CDH18: variants seen among roughly 807,000 people sequenced by gnomAD.
CDH18 encodes cadherin 18.
Under a neutral mutation model 67.9 loss-of-function variants are expected in CDH18, and 31 were observed. The ratio of observed to expected loss-of-function variants is 0.46; its 90% CI spans 0.34 to 0.62. CDH18 has a LOEUF of 0.62. Ranked by LOEUF, CDH18 falls within the 20% of genes least tolerant of loss-of-function variation. The pLI is 0.01. For missense variants in CDH18, 890 were observed against 975.5 expected (o/e 0.91, Z 1.17); for synonymous variants, 362 against 347.2 (o/e 1.04, Z -0.48).
chr5:20,481,617 A>G (rs1581083076), intron 1 of CDH18, among the ~76,000 whole-genome samples: 1 of 152,106 alleles, frequency 6.6e-6, no homozygotes, highest in Admixed American at 6.6e-5. Context: ...TCTGGCCACA[A>G]TGGAAATAAA....
intron 3 of CDH18, among the ~76,000 whole-genome samples, chr5:19,771,532 C>T (rs1773731746): frequency 6.6e-6 from 1 of 152,276 alleles, no homozygotes; most frequent in South Asian, 2.1e-4. Context: ...GAAATGATTG[C>T]AACCCCAGCT....
chr5:20,483,027 A>C (rs1261689550), intron 1 of CDH18, among the ~76,000 whole-genome samples: 7 of 152,048 alleles, frequency 4.6e-5, no homozygotes, highest in Admixed American at 2.0e-4. Context: ...GAAAAACCTA[A>C]ATACTTCAAC....
chr5:20,034,297 T>C (rs1334017589), intron 2 of CDH18, among the ~76,000 whole-genome samples: 1 of 152,070 alleles, frequency 6.6e-6, no homozygotes, highest in African/African-American at 2.4e-5. Flanking sequence ...TCCACTGTGA[T>C]GCTTTTTCAC....
intron 2 of CDH18, among the ~76,000 whole-genome samples, chr5:20,239,555 T>C (rs928387472): frequency 1.3e-5 from 2 of 152,302 alleles, no homozygotes; most frequent in Middle Eastern, 6.8e-3. Flanking sequence ...GAAAGGATTA[T>C]GAAAGAAGGA....
intron 2 of CDH18, among the ~76,000 whole-genome samples, chr5:20,194,513 C>A (rs1003785398): frequency 2.6e-5 from 4 of 151,956 alleles, no homozygotes; most frequent in Admixed American, 2.0e-4. Flanking sequence ...ACACTCTGAA[C>A]AGATATAAGG....
intron 6 of CDH18, 66 bp downstream of exon 6, chr5:19,612,368 A>G: frequency 6.7e-7 from 1 of 1,482,490 alleles, no homozygotes; most frequent in Non-Finnish European, 9.4e-7. Context: ...ACACTGTTCA[A>G]GTATTTCATT....
intron 3 of CDH18, among the ~76,000 whole-genome samples, chr5:19,787,413 T>C (rs1018647088): frequency 3.3e-5 from 5 of 151,906 alleles, no homozygotes; most frequent in Non-Finnish European, 5.9e-5. Flanking sequence ...GACCACACCA[T>C]TGCAATCCAG....
intron 5 of CDH18, among the ~76,000 whole-genome samples, chr5:19,617,538 GC>G (rs1224077832): frequency 6.6e-6 from 1 of 152,074 alleles, no homozygotes; most frequent in Non-Finnish European, 1.5e-5. Context: ...AAAATAAAAT[GC>G]TTCTCTTTTC....
chr5:20,207,021 A>G (rs1739951155), intron 2 of CDH18, among the ~76,000 whole-genome samples: 1 of 152,002 alleles, frequency 6.6e-6, no homozygotes, highest in South Asian at 2.1e-4. Context: ...AGAAAGAAAA[A>G]TGAAGGGCAT....
intron 9 of CDH18, among the ~76,000 whole-genome samples, chr5:19,539,893 T>C (rs1423811533): frequency 2.6e-5 from 4 of 152,122 alleles, no homozygotes; most frequent in Admixed American, 2.0e-4. Context: ...CCAAACCATA[T>C]TATTCCACTC....
chr5:20,389,725 T>C (rs887758313), intron 1 of CDH18, among the ~76,000 whole-genome samples: 4 of 152,252 alleles, frequency 2.6e-5, no homozygotes, highest in East Asian at 3.9e-4. Context: ...TCACGCTACC[T>C]GACTTCAAAC....
intron 2 of CDH18, among the ~76,000 whole-genome samples, chr5:19,870,897 T>C (rs1302009559): frequency 1.3e-5 from 2 of 152,212 alleles, no homozygotes; most frequent in African/African-American, 2.4e-5. Context: ...AGTCATCTTT[T>C]CTTTGTATGC....
intron 8 of CDH18, among the ~76,000 whole-genome samples, chr5:19,557,325 C>T (rs1289461137): frequency 6.6e-6 from 1 of 151,966 alleles, no homozygotes; most frequent in Non-Finnish European, 1.5e-5. Flanking sequence ...CGAAATGCTG[C>T]ACTTAAAAGA....
intron 4 of CDH18, among the ~76,000 whole-genome samples, chr5:19,736,531 T>C (rs1021963423): frequency 2.0e-5 from 3 of 152,202 alleles, no homozygotes; most frequent in Non-Finnish European, 4.4e-5. Flanking sequence ...AAGTAATAGA[T>C]GTTTAATATA....
At chr5:19,829,590 A>G (rs1383372940) in intron 3 of CDH18, among the ~76,000 whole-genome samples, 1 of 152,240 alleles carries the variant, frequency 6.6e-6, no homozygotes, top group African/African-American at 2.4e-5. Flanking sequence ...AAAATGTTCC[A>G]TGCTCATGGA....
Position 19,805,958 on chromosome 5 carries a change from G to A in CDH18, c.228+32801C>T, listed in dbSNP as rs938901534. Among the ~76,000 whole-genome samples, 12 of 152,002 alleles carry A rather than the reference G, an allele frequency of 7.9e-5. No homozygotes were observed. In the East Asian group the frequency reaches 9.7e-4, roughly 12 times the overall value. On this transcript the variant is annotated intron_variant, in intron 3 of 12. Transcript: ENST00000382275. ...AAACCATATAGCTATTTTCTTCTTCGAATCTTCTACCAGGATTGTACTCAG... is the reference window on the plus strand; with the variant it reads ...AAACCATATAGCTATTTTCTTCTTCAAATCTTCTACCAGGATTGTACTCAG...
chr5:19,854,185 G>A (rs1437682278), intron 2 of CDH18, among the ~76,000 whole-genome samples: 1 of 152,062 alleles, frequency 6.6e-6, no homozygotes, highest in Non-Finnish European at 1.5e-5. Context: ...TTACTCATGA[G>A]ACATGGATGT....
chr5:20,375,566 T>G (rs1743346291), intron 1 of CDH18, among the ~76,000 whole-genome samples: 1 of 152,174 alleles, frequency 6.6e-6, no homozygotes, highest in Non-Finnish European at 1.5e-5. Context: ...TGCATAAATA[T>G]TCTTTATAAA....
rs182624291 is a variant in CDH18, at chr5:19,705,099, C to T, written c.643+16248G>A. On this transcript the variant is annotated intron_variant, in intron 5 of 12. Transcript: ENST00000382275. ...TCTAACAATTTGCCAGACTTATGTA[C>T]GGCAAGCAGCTGAACTTACTCGTAA... 1.6e-4 allele frequency among the ~76,000 whole-genome samples: 25 copies of T among 152,296 alleles called. No individual in the cohort carries two copies. In the South Asian group the frequency reaches 3.5e-3, roughly 21 times the overall value.
Sources: gnomAD v4.1 joint callset for allele counts (sites outside exome capture counted in the v4.1 genomes callset) on GRCh38, gnomAD v4.1.1 for gene constraint, MANE v1.5 for transcripts, NCBI Gene and HGNC (gene_info 2026-07-23, HGNC 2026-07-21) for gene names.